KIF23: variants seen among roughly 807,000 people sequenced by gnomAD.
The protein encoded by KIF23 is kinesin-like protein KIF23.
In KIF23, 30 loss-of-function variants were observed where a neutral mutation model predicts 137.5. The observed-to-expected ratio is 0.22, with a 90% CI of 0.16 to 0.30. The LOEUF (loss-of-function observed/expected upper bound fraction) is 0.30, where lower values mean the gene tolerates loss of function less well. KIF23 is among the 10% of genes least tolerant of loss of function. KIF23 has a pLI of 1.00. For missense variants in KIF23, 920 were observed against 1,194.3 expected, an observed-to-expected ratio of 0.77 and a Z score of 3.38; for synonymous variants, 367 against 391.1, an observed-to-expected ratio of 0.94 and a Z score of 0.73.
At chr15:69,434,721 A>G (rs1034703403) in intron 11 of KIF23, 2 of 1,384,990 alleles carry the variant, frequency 1.4e-6, no homozygotes, top group Non-Finnish European at 2.0e-6. Context: ...AGGATCAGGG[A>G]TCTTCTCCTT....
chr15:69,424,295 A>T (rs1282317949), intron 7 of KIF23, among the ~76,000 whole-genome samples: 1 of 152,222 alleles, frequency 6.6e-6, no homozygotes, highest in African/African-American at 2.4e-5. Context: ...AACAATTACA[A>T]TATGGCTAAG....
Position 69,446,044 on chromosome 15 carries a change from T to C in KIF23, c.2709T>C (p.Ser903=). Residue 903 remains serine, a synonymous_variant, in exon 21 of 24, where the codon TCT becomes TCC. Transcript: ENST00000679126. Reference sequence around the variant, plus strand: ...ATAAAACAAGGGGTGGTGGACAATCTGTTCAGTTTACTGATATTGAGACTT... The same window carrying C: ...ATAAAACAAGGGGTGGTGGACAATCCGTTCAGTTTACTGATATTGAGACTT... ...DIYKTRGGGQ[S]VQFTDIETLK... is the part of the protein sequence containing the mutation. The C allele has an allele frequency of 1.2e-6, 2 of 1,613,886 alleles. No individual in the cohort carries two copies. Among genetic ancestry groups the C allele is most frequent in the Non-Finnish European group, 1.7e-6 (2 of 1,179,812 alleles).
At chr15:69,422,960 C>T (rs577950515) in intron 6 of KIF23, 199 bp from the exon 7 acceptor site, 6 of 415,598 alleles carry the variant, frequency 1.4e-5, no homozygotes, top group Non-Finnish European at 2.1e-5. Flanking sequence ...GCCACCATGC[C>T]CGGCTAATTT....
At chr15:69,443,207 C>T (rs181833904) in intron 19 of KIF23, among the ~76,000 whole-genome samples, 3 of 151,782 alleles carry the variant, frequency 2.0e-5, no homozygotes, top group Admixed American at 6.6e-5. Flanking sequence ...AACTATATAG[C>T]GAAAATGATT....
chr15:69,442,001 A>G (rs1354703167), intron 19 of KIF23, among the ~76,000 whole-genome samples: 3 of 152,146 alleles, frequency 2.0e-5, no homozygotes, highest in Non-Finnish European at 4.4e-5. Flanking sequence ...AACTCCAGCA[A>G]TCCTCCTGCC....
chr15:69,424,494 A>G (rs2057139644), intron 7 of KIF23, among the ~76,000 whole-genome samples: 1 of 152,158 alleles, frequency 6.6e-6, no homozygotes, highest in African/African-American at 2.4e-5. Flanking sequence ...GTGGAGCAAT[A>G]CATGGAAGAG....
chr15:69,437,456 CTTTTTTTTTT>C (rs772460557), intron 15 of KIF23, among the ~76,000 whole-genome samples: 2 of 120,556 alleles, frequency 1.7e-5, no homozygotes, highest in South Asian at 2.6e-4. Context: ...AATGTATCTA[CTTTTTTTTTT>C]TTTTTTTTTT....
intron 16 of KIF23, 143 bp from the exon 17 acceptor site, chr15:69,439,761 A>G (rs111705044): frequency 6.0e-6 from 3 of 502,912 alleles, no homozygotes; most frequent in African/African-American, 4.0e-5. Context: ...GGGAATTCAG[A>G]TGAAATGTTA....
At chr15:69,424,683 A>G (rs1193811424) in intron 7 of KIF23, among the ~76,000 whole-genome samples, 1 of 152,082 alleles carries the variant, frequency 6.6e-6, no homozygotes, top group South Asian at 2.1e-4. Context: ...TTTCTTGTAG[A>G]GATAGGAGTG....
intron 6 of KIF23, 22 bp downstream of exon 6, chr15:69,422,457 C>A: frequency 7.5e-7 from 1 of 1,326,872 alleles, no homozygotes; most frequent in Non-Finnish European, 1.1e-6. Context: ...TATTTGTCTG[C>A]AGCACTGGCC....
rs952955582 is a variant in KIF23 at position 69,425,459 on chromosome 15, C to T, written c.776+136C>T. ...TGCTGTCTCTAAGCCCTCCTTGCTTCCTGAAAAATCTGCTATTGACTATCA... is the reference window on the plus strand; with the variant it reads ...TGCTGTCTCTAAGCCCTCCTTGCTTTCTGAAAAATCTGCTATTGACTATCA... On this transcript the variant is annotated intron_variant, in intron 8 of 23. Transcript: ENST00000679126. The T allele has an allele frequency of 1.1e-4, 77 of 712,272 alleles. No homozygotes were observed. The East Asian group carries it at 2.1e-3, about 19-fold the overall frequency. 44.1% of individuals were successfully genotyped at this position (712,272 alleles called of 1,614,324 possible).
Position 69,435,498 on chromosome 15 carries a change from C to T in KIF23, c.1130C>T (p.Ser377Leu). The change falls in exon 12 of 24, where the codon TCA (serine) becomes TTA (leucine). Residue 377 changes from serine (S) to leucine (L), a missense_variant. This residue lies in a region of KIF23 where 714 missense variants were observed against 866.2 expected (regional missense o/e 0.82). Coordinates refer to ENST00000679126, the MANE Select transcript of KIF23 (RefSeq NM_001367805.3). ...RLREAGNINQSLMTLRTCMDV... is the reference protein window; with the variant it reads ...RLREAGNINQLLMTLRTCMDV... Reference sequence around the variant, plus strand: ...TTTCTGTCAGGTAATATTAATCAGTCACTAATGACGCTAAGAACATGTATG... The same window carrying T: ...TTTCTGTCAGGTAATATTAATCAGTTACTAATGACGCTAAGAACATGTATG... 1 of 1,613,494 alleles carries T rather than the reference C, an allele frequency of 6.2e-7. No homozygotes were observed. Among genetic ancestry groups the T allele is most frequent in the Non-Finnish European group, 8.5e-7 (1 of 1,179,608 alleles).
intron 19 of KIF23, among the ~76,000 whole-genome samples, chr15:69,442,088 A>G (rs1243509779): frequency 2.0e-5 from 3 of 152,086 alleles, no homozygotes; most frequent in Non-Finnish European, 4.4e-5. Flanking sequence ...GATACTATGA[A>G]AGTGTATGCA....
intron 3 of KIF23, among the ~76,000 whole-genome samples, chr15:69,419,382 C>T (rs538373238): frequency 1.3e-5 from 2 of 152,230 alleles, no homozygotes; most frequent in South Asian, 4.1e-4. Flanking sequence ...CAAAATCCTG[C>T]TTCATCCGTC....
At chr15:69,414,718 C>T (rs963184444) in intron 1 of KIF23, 2 of 407,190 alleles carry the variant, frequency 4.9e-6, no homozygotes, top group African/African-American at 4.2e-5. Flanking sequence ...CTCCAAGGGG[C>T]CAGGAAGGGT....
In KIF23 at chr15:69,416,058, G is replaced by A. The variant is rs139012996; in HGVS notation, c.76G>A (p.Val26Ile). 2.6e-4 allele frequency: 401 copies of A among 1,572,286 alleles called. No homozygotes were observed. Among genetic ancestry groups the A allele is most frequent in the Non-Finnish European group, 3.3e-4 (384 of 1,167,180 alleles). ...GTCCCAAACGAACCTTAAAGACCCA[G>A]TTGGGGTAAGGTATCCCTGTAAATT... ...KGSQTNLKDP[V>I]GVYCRVRPLG... Residue 26 changes from valine (V) to isoleucine (I), a missense_variant, in exon 2 of 24, where the codon GTT (valine) becomes ATT (isoleucine). By Grantham distance (29) the Val-to-Ile change is conservative (BLOSUM62 3). Transcript: ENST00000679126.
rs2057705215 is a variant in KIF23 at position 69,444,718 on chromosome 15, A to G, written c.2422-72A>G. On this transcript the variant is annotated intron_variant, in intron 19 of 23. Transcript: ENST00000679126. This position sits in a 1 kb window ranked among gnomAD's most constrained non-coding sequence, Gnocchi z 4.2. ...AAGGTTTGCTATGATACTGTCATCA[A>G]CTAATGTAGCCAAACCTGCTGCACT... The G allele has an allele frequency of 3.4e-6, 5 of 1,485,848 alleles. No homozygotes were observed. Among genetic ancestry groups the G allele is most frequent in the South Asian group, 2.5e-5 (2 of 81,486 alleles). 92.0% of individuals were successfully genotyped at this position (1,485,848 alleles called of 1,614,324 possible). A position where few individuals can be genotyped will look rare whatever the true frequency, so the allele number is the denominator to read the frequency against.
At chr15:69,421,521 C>T in intron 3 of KIF23, 126 bp from the exon 4 acceptor site, 1 of 602,194 alleles carries the variant, frequency 1.7e-6, no homozygotes, top group Non-Finnish European at 3.0e-6. Flanking sequence ...TGTAAAAAGA[C>T]CATTTATATT....
chr15:69,436,259 A>T lies in KIF23; in HGVS notation c.1436A>T (p.Asn479Ile), dbSNP rs750515845. The change falls in exon 14 of 24, where the codon AAT (asparagine) becomes ATT (isoleucine). Residue 479 changes from asparagine to isoleucine, a missense_variant and splice_region_variant. Physicochemically the swap from Asn to Ile is moderately radical, Grantham distance 149. Around this residue, in one of 4 missense-constraint regions of KIF23, gnomAD observed 714 missense variants for 866.2 expected, o/e 0.82. Coordinates refer to ENST00000679126, the MANE Select transcript of KIF23 (RefSeq NM_001367805.3). ...AACCAGCCTCGAGGTCCAGTTGGAA[A>T]TGGTATGATTTGGTGTTGTATCATT... is the stretch of plus-strand genomic sequence containing the variant. ...YRNQPRGPVG[N>I]EPLVTDVVLQ... 7 of 1,613,422 alleles carry T rather than the reference A, an allele frequency of 4.3e-6. No individual in the cohort carries two copies. In the South Asian group the frequency reaches 7.7e-5, roughly 18 times the overall value.
Sources: allele counts gnomAD v4.1 joint callset (sites outside exome capture counted in the v4.1 genomes callset), GRCh38; gene constraint gnomAD v4.1.1; regional missense constraint gnomAD v4.1.1; non-coding constraint Gnocchi (gnomAD v3.1); transcripts MANE v1.5; gene names NCBI Gene and HGNC (gene_info 2026-07-23, HGNC 2026-07-21).